The following GORAB variants were observed in gnomAD, a reference collection of about 807,000 sequenced individuals.
The protein encoded by GORAB is golgin, RAB6 interacting, also known as RAB6-interacting golgin.
In GORAB, 17 loss-of-function variants were observed where a neutral mutation model predicts 29.9. The observed-to-expected ratio is 0.57, with a 90% confidence interval of 0.39 to 0.85. The LOEUF is 0.85. Ranked by LOEUF, GORAB falls within the 40% of genes least tolerant of loss-of-function variation. The pLI, the probability that GORAB is intolerant of heterozygous loss-of-function variation, is 0.00. For missense variants in GORAB, 442 were observed against 437.8 expected, an observed-to-expected ratio of 1.01 and a Z score of -0.09; for synonymous variants, 183 against 157.2, an observed-to-expected ratio of 1.16 and a Z score of -1.23.
At chr1:170,534,768 T>TA (rs1394937185) in intron 1 of GORAB, among the ~76,000 whole-genome samples, 1 of 152,142 alleles carries the variant, frequency 6.6e-6, no homozygotes, top group Admixed American at 6.5e-5. Flanking sequence ...TTTGTGTAAA[T>TA]ACACTCTCTG....
intron 4 of GORAB, among the ~76,000 whole-genome samples, chr1:170,551,748 T>A (rs551682201): frequency 1.3e-4 from 20 of 152,320 alleles, no homozygotes; most frequent in African/African-American, 4.8e-4. Flanking sequence ...TAGCCTGCCT[T>A]CACTCAAAAA....
rs1276723110 is a variant in GORAB, at chr1:170,552,083, T to A, written c.731T>A (p.Ile244Lys). Residue 244 changes from isoleucine to lysine, a missense_variant, in exon 5 of 5, where the codon ATA becomes AAA. Transcript: ENST00000367763. ...AKLDIQRKTE[I>K]KEQLTEHLCT... ...CTAGATATACAGCGCAAGACTGAGA[T>A]AAAAGAGCAACTCACTGAACACCTT... 2.5e-6 allele frequency: 4 copies of A among 1,613,818 alleles called. No individual in the cohort carries two copies. Among genetic ancestry groups the A allele is most frequent in the Non-Finnish European group, 8.5e-7 (1 of 1,179,952 alleles).
chr1:170,537,075 C>T (rs1451489798), intron 1 of GORAB, among the ~76,000 whole-genome samples: 1 of 151,708 alleles, frequency 6.6e-6, no homozygotes, highest in African/African-American at 2.4e-5. Context: ...TTCTTTTTTC[C>T]CTCCTTTCTT....
chr1:170,542,529 A>G lies in GORAB; in HGVS notation c.458A>G (p.Gln153Arg). Residue 153 changes from glutamine (Q) to arginine (R), a missense_variant, in exon 3 of 5, where the codon CAA (glutamine) becomes CGA (arginine). Transcript: ENST00000367763. Reference protein sequence around the residue: ...KSRWEVLQQEQRLMEEKNKRK... With the variant: ...KSRWEVLQQERRLMEEKNKRK... ...CGTTGGGAAGTCCTCCAACAAGAAC[A>G]ACGGCTAATGGAAGAGAAAAATAAA... The G allele has an allele frequency of 6.2e-7, 1 of 1,613,882 alleles. No homozygotes were observed. Among genetic ancestry groups the G allele is most frequent in the Non-Finnish European group, 8.5e-7 (1 of 1,179,824 alleles).
rs1649649251 is a variant in GORAB at position 170,544,715 on chromosome 1, A to G, written c.532A>G (p.Thr178Ala). The stretch of plus-strand genomic sequence containing the variant: ...TACCTGATTTTCTAGATCCAAAAGA[A>G]CTCAGGCAGAGACCATGAAACTAAA... Reference protein sequence around the residue: ...AKAIAERSKRTQAETMKLKRI... With the variant: ...AKAIAERSKRAQAETMKLKRI... The change falls in exon 4 of 5, where the codon ACT (threonine) becomes GCT (alanine). Residue 178 changes from threonine (T) to alanine (A), a missense_variant. Coordinates refer to ENST00000367763, the MANE Select transcript of GORAB (RefSeq NM_152281.3). The G allele has an allele frequency of 1.2e-6, 2 of 1,614,002 alleles. No homozygotes were observed. The highest frequency in any genetic ancestry group is 1.7e-6 in the Non-Finnish European group (2 of 1,179,896).
intron 2 of GORAB, 161 bp downstream of exon 2, chr1:170,539,728 G>A: frequency 1.4e-6 from 1 of 737,148 alleles, no homozygotes; most frequent in Non-Finnish European, 2.2e-6. Context: ...AATAGCTACT[G>A]CCTAAATATA....
At chr1:170,533,892 TC>T (rs2101814831) in intron 1 of GORAB, among the ~76,000 whole-genome samples, 1 of 152,260 alleles carries the variant, frequency 6.6e-6, no homozygotes, top group Admixed American at 6.5e-5. Flanking sequence ...TTCCAGCTCT[TC>T]CTCTAAATCT....
At chr1:170,550,760 G>T (rs922368929) in intron 4 of GORAB, among the ~76,000 whole-genome samples, 7 of 152,154 alleles carry the variant, frequency 4.6e-5, no homozygotes, top group Non-Finnish European at 7.3e-5. Flanking sequence ...ACTCATAACA[G>T]GTAAAGCAGC....
intron 1 of GORAB, among the ~76,000 whole-genome samples, chr1:170,538,242 TC>T (rs1475737997): frequency 6.6e-6 from 1 of 152,200 alleles, no homozygotes; most frequent in African/African-American, 2.4e-5. Flanking sequence ...GAATTGTGAC[TC>T]TAGAGCTTTT....
intron 1 of GORAB, among the ~76,000 whole-genome samples, chr1:170,536,951 G>T (rs866346513): frequency 3.0e-4 from 46 of 152,276 alleles, no homozygotes; most frequent in African/African-American, 9.9e-4. Context: ...GGTGGAGGGA[G>T]CAGGGCTTAA....
At position 170,552,853 on chromosome 1, in the gene GORAB, G is replaced by A. The variant is rs1019647286; in HGVS notation, c.*391G>A. The A allele has an allele frequency of 2.2e-5, 10 of 453,400 alleles. No homozygotes were observed. The East Asian group carries it at 6.9e-4, about 31-fold the overall frequency. 28.1% of individuals were successfully genotyped at this position (453,400 alleles called of 1,614,324 possible). On this transcript the variant is annotated 3_prime_UTR_variant, in exon 5 of 5. Transcript: ENST00000367763. ...TCTCCTGGGAGACGTATTAAGACTG[G>A]AAGTCCTATTTTATTTAATCAGTAT...
In GORAB at chr1:170,539,457, T is replaced by G. The variant is rs779477245; in HGVS notation, c.309T>G (p.Ile103Met). The change falls in exon 2 of 5, where the codon ATT (isoleucine) becomes ATG (methionine). Residue 103 changes from isoleucine (I) to methionine (M), a missense_variant. By Grantham distance (10) the Ile-to-Met change is conservative. Transcript: ENST00000367763. ...SPVGDGQPQG[I>M]ESQPKELGLE... ...TTGGTGATGGACAACCACAGGGCAT[T>G]GAAAGTCAGCCAAAGGAACTGGGAC... The G allele has an allele frequency of 6.2e-7, 1 of 1,614,120 alleles. No homozygotes were observed. Among genetic ancestry groups the G allele is most frequent in the South Asian group, 1.1e-5 (1 of 91,080 alleles).
At position 170,553,441 on chromosome 1, in the gene GORAB, C is replaced by T. The variant is rs912557586; in HGVS notation, c.*979C>T. The T allele has an allele frequency of 9.0e-6, 4 of 446,382 alleles. No homozygotes were observed. The highest frequency in any genetic ancestry group is 7.0e-5 in the East Asian group (1 of 14,324). The allele number at this position is 446,382 out of a possible 1,614,324, so 27.7% of individuals were successfully genotyped here. A position where few individuals can be genotyped will look rare whatever the true frequency, so the allele number is the denominator to read the frequency against. On this transcript the variant is annotated 3_prime_UTR_variant, in exon 5 of 5. Coordinates refer to ENST00000367763, the MANE Select transcript of GORAB (RefSeq NM_152281.3). ...GTGTAAATAAATATTGTAATTTTCTCACAAAGTCTGTGAATATCACATTAT... is the reference window on the plus strand; with the variant it reads ...GTGTAAATAAATATTGTAATTTTCTTACAAAGTCTGTGAATATCACATTAT...
chr1:170,545,689 T>C, intron 4 of GORAB: 1 of 984,534 alleles, frequency 1.0e-6, no homozygotes, highest in Non-Finnish European at 1.2e-6. Context: ...AATGCCTCAT[T>C]AGGCCAGGGT....
intron 4 of GORAB, among the ~76,000 whole-genome samples, chr1:170,551,806 G>A (rs534737540): frequency 6.6e-5 from 10 of 152,322 alleles, no homozygotes; most frequent in African/African-American, 2.4e-4. Context: ...TTTTCATTAG[G>A]TGAATTCAAG....
chr1:170,552,304 G>A lies in GORAB; in HGVS notation c.952G>A (p.Val318Met), dbSNP rs199673882. ...ERPFQPAEES[V>M]TLEFAKENRK... ...GCCATTTCAGCCTGCGGAGGAGAGT[G>A]TGACATTAGAATTTGCTAAAGAGAA... Residue 318 changes from valine to methionine, a missense_variant, in exon 5 of 5, where the codon GTG (valine) becomes ATG (methionine). Coordinates refer to ENST00000367763, the MANE Select transcript of GORAB (RefSeq NM_152281.3). 117 of 1,613,998 alleles carry A rather than the reference G, an allele frequency of 7.2e-5. No homozygotes were observed. Among genetic ancestry groups the A allele is most frequent in the South Asian group, 9.9e-5 (9 of 91,092 alleles).
At chr1:170,537,603 A>G (rs1380612771) in intron 1 of GORAB, among the ~76,000 whole-genome samples, 2 of 152,200 alleles carry the variant, frequency 1.3e-5, no homozygotes, top group African/African-American at 4.8e-5. Flanking sequence ...CTAAATTGTA[A>G]TCATAAAAAT....
intron 4 of GORAB, among the ~76,000 whole-genome samples, chr1:170,546,013 A>C (rs1416554723): frequency 6.6e-6 from 1 of 152,208 alleles, no homozygotes; most frequent in Non-Finnish European, 1.5e-5. Flanking sequence ...CTGTAACATA[A>C]GTTTGCCAGA....
intron 1 of GORAB, chr1:170,532,591 C>T (rs1648764980): frequency 7.8e-6 from 3 of 386,230 alleles, no homozygotes; most frequent in Non-Finnish European, 1.5e-5. Flanking sequence ...GGGTGTCTCC[C>T]TTAGGGAAGA....
Sources: allele counts gnomAD v4.1 joint callset (sites outside exome capture counted in the v4.1 genomes callset), GRCh38; gene constraint gnomAD v4.1.1; transcripts MANE v1.5; gene names NCBI Gene and HGNC (gene_info 2026-07-23, HGNC 2026-07-21).